Variants in CDH6 observed in about 807,000 individuals in gnomAD.
CDH6 encodes the protein cadherin-6.
CDH6 carries 31 observed loss-of-function variants against 78.0 expected under a neutral mutation model. The ratio of observed to expected loss-of-function variants is 0.40; its 90% CI spans 0.30 to 0.54. The LOEUF (loss-of-function observed/expected upper bound fraction) is 0.54. CDH6 is among the 20% of genes least tolerant of loss of function. The pLI is 0.56. For missense variants in CDH6, 724 were observed against 975.9 expected, an observed-to-expected ratio of 0.74 and a Z score of 3.44; for synonymous variants, 376 against 368.8, an observed-to-expected ratio of 1.02 and a Z score of -0.23.
At chr5:31,211,189 GA>G (rs1181383692) in intron 1 of CDH6, among the ~76,000 whole-genome samples, 1 of 152,088 alleles carries the variant, frequency 6.6e-6, no homozygotes, top group African/African-American at 2.4e-5. Flanking sequence ...TAGCTGAAAG[GA>G]AAATATAATT....
At chr5:31,237,789 G>A (rs1008605974) in intron 1 of CDH6, among the ~76,000 whole-genome samples, 6 of 152,196 alleles carry the variant, frequency 3.9e-5, no homozygotes, top group African/African-American at 1.4e-4. Flanking sequence ...TGAAGTAGCA[G>A]TGGAAGTAGC....
chr5:31,213,818 A>T lies in CDH6; in HGVS notation c.-129+19932A>T, dbSNP rs142193502. On this transcript the variant is annotated intron_variant, in intron 1 of 11. Transcript: ENST00000265071. ...GATTTGTCAATTACCTCCTTCAGAA[A>T]CCTCTCGCGTTCTCTGACACCTGTG... Among the ~76,000 whole-genome samples, 9 of 151,400 alleles carry T rather than the reference A, an allele frequency of 5.9e-5. No individual in the cohort carries two copies. The East Asian group carries it at 1.6e-3, about 27-fold the overall frequency.
At chr5:31,239,363 A>G (rs1741536065) in intron 1 of CDH6, among the ~76,000 whole-genome samples, 1 of 152,240 alleles carries the variant, frequency 6.6e-6, no homozygotes, top group Middle Eastern at 3.2e-3. Context: ...ATTTTATTGT[A>G]CACATAATGA....
At position 31,323,062 on chromosome 5, in the gene CDH6, C is replaced by T; in HGVS notation, c.2127C>T (p.Asn709=). The change falls in exon 12 of 12, where the codon AAC becomes AAT. Residue 709 remains asparagine, a synonymous_variant. Coordinates refer to ENST00000265071, the MANE Select transcript of CDH6 (RefSeq NM_004932.4). The part of the protein sequence containing the change: ...LPRRTPTARD[N]TDVRDFINQR... ...GACGGACTCCAACAGCTCGCGACAA[C>T]ACCGATGTCAGAGATTTCATTAACC... 2 of 1,614,198 alleles carry T rather than the reference C, an allele frequency of 1.2e-6. No individual in the cohort carries two copies. The highest frequency in any genetic ancestry group is 1.7e-6 in the Non-Finnish European group (2 of 1,180,030).
At chr5:31,223,270 A>G (rs1475844540) in intron 1 of CDH6, among the ~76,000 whole-genome samples, 1 of 152,180 alleles carries the variant, frequency 6.6e-6, no homozygotes, top group Non-Finnish European at 1.5e-5. Flanking sequence ...TGCTCTTAGA[A>G]CTTGTTTGAT....
chr5:31,238,139 AG>A (rs1205309591), intron 1 of CDH6, among the ~76,000 whole-genome samples: 1 of 152,228 alleles, frequency 6.6e-6, no homozygotes, highest in African/African-American at 2.4e-5. Context: ...TTTTTACACA[AG>A]TAACAAATTG....
chr5:31,287,084 G>T (rs1743031607), intron 2 of CDH6, among the ~76,000 whole-genome samples: 1 of 152,128 alleles, frequency 6.6e-6, no homozygotes, highest in African/African-American at 2.4e-5. Flanking sequence ...CTTGACTCCA[G>T]ATCTCAAGAA....
chr5:31,309,135 GATA>G (rs1312275796), intron 7 of CDH6, among the ~76,000 whole-genome samples: 1 of 151,944 alleles, frequency 6.6e-6, no homozygotes, highest in African/African-American at 2.4e-5. Flanking sequence ...CAACCCTTTT[GATA>G]ATAAAAACAT....
At position 31,286,275 on chromosome 5, in the gene CDH6, T is replaced by A. The variant is rs184005793; in HGVS notation, c.229-7687T>A. 2.4e-4 allele frequency among the ~76,000 whole-genome samples: 36 copies of A among 152,294 alleles called. 1 individual carries two copies. Among genetic ancestry groups the A allele is most frequent in the Admixed American group, 9.8e-4 (15 of 15,296 alleles). ...GCTTGGAAAACAGCTGTGAAACACA[T>A]CATCAGCAACAATAGAATGTGCTGA... On this transcript the variant is annotated intron_variant, in intron 2 of 11. Transcript: ENST00000265071.
At chr5:31,273,262 A>T (rs939101937) in intron 2 of CDH6, among the ~76,000 whole-genome samples, 6 of 152,224 alleles carry the variant, frequency 3.9e-5, no homozygotes, top group Admixed American at 6.5e-5. Context: ...TAAAAAGAGC[A>T]TAAGCTGAAG....
chr5:31,234,056 T>G lies in CDH6; in HGVS notation c.-128-33290T>G, dbSNP rs543695921. Among the ~76,000 whole-genome samples, 1,275 of 152,352 alleles carry G rather than the reference T, an allele frequency of 8.4e-3. 18 individuals carry two copies. The highest frequency in any genetic ancestry group is 0.028 in the African/African-American group (1,183 of 41,584). The stretch of plus-strand genomic sequence containing the variant: ...ATAGTCTATATCTCAAATACATTTT[T>G]TTCATAATGTTTTTCTGTTTAAAGT... On this transcript the variant is annotated intron_variant, in intron 1 of 11. Transcript: ENST00000265071.
rs529743840 is a variant in CDH6, at chr5:31,246,895, A to G, written c.-128-20451A>G. On this transcript the variant is annotated intron_variant, in intron 1 of 11. Transcript: ENST00000265071. ...TCAGCCTACCAGGTAGCTTACTGGCAGGTGCCACTATGCTTGGCTAATATT... is the reference window on the plus strand; with the variant it reads ...TCAGCCTACCAGGTAGCTTACTGGCGGGTGCCACTATGCTTGGCTAATATT... Among the ~76,000 whole-genome samples the G allele has an allele frequency of 1.4e-3, 211 of 152,204 alleles. 1 individual carries two copies. The highest frequency in any genetic ancestry group is 2.0e-3 in the Non-Finnish European group (133 of 68,018).
chr5:31,286,430 G>T (rs1743013762), intron 2 of CDH6, among the ~76,000 whole-genome samples: 1 of 152,202 alleles, frequency 6.6e-6, no homozygotes, highest in African/African-American at 2.4e-5. Flanking sequence ...AACTAGGTGA[G>T]GATATTAAAA....
intron 1 of CDH6, among the ~76,000 whole-genome samples, chr5:31,232,490 G>A (rs1362331336): frequency 6.6e-6 from 1 of 152,126 alleles, no homozygotes. Context: ...GTGGACATAC[G>A]TTTAATGCAC....
chr5:31,303,631 T>C (rs1737894019), intron 6 of CDH6, among the ~76,000 whole-genome samples: 1 of 152,192 alleles, frequency 6.6e-6, no homozygotes, highest in African/African-American at 2.4e-5. Flanking sequence ...ACTAAAAATA[T>C]TAATTTTGGC....
intron 1 of CDH6, among the ~76,000 whole-genome samples, chr5:31,227,683 G>A (rs1308536589): frequency 6.6e-6 from 1 of 152,062 alleles, no homozygotes; most frequent in African/African-American, 2.4e-5. Context: ...ATTTTATTCT[G>A]TAAAGAATCA....
intron 7 of CDH6, among the ~76,000 whole-genome samples, chr5:31,312,410 C>G (rs79425438): frequency 6.6e-6 from 1 of 152,152 alleles, no homozygotes; most frequent in Non-Finnish European, 1.5e-5. Flanking sequence ...TGCTTAAAAC[C>G]TTTTGTAGCC....
intron 1 of CDH6, among the ~76,000 whole-genome samples, chr5:31,220,650 A>G (rs1291581010): frequency 6.6e-6 from 1 of 152,214 alleles, no homozygotes; most frequent in Non-Finnish European, 1.5e-5. Flanking sequence ...CATAAAAACT[A>G]TAATGCGTGC....
chr5:31,205,025 A>G (rs1443462866), intron 1 of CDH6, among the ~76,000 whole-genome samples: 1 of 152,192 alleles, frequency 6.6e-6, no homozygotes, highest in Non-Finnish European at 1.5e-5. Flanking sequence ...AAGATGCTTT[A>G]TGGAATAGAT....
Sources: allele counts gnomAD v4.1 joint callset (sites outside exome capture counted in the v4.1 genomes callset), GRCh38; gene constraint gnomAD v4.1.1; transcripts MANE v1.5; gene names NCBI Gene and HGNC (gene_info 2026-07-23, HGNC 2026-07-21).